The following CIMAP1B variants were observed in gnomAD, a reference collection of about 807,000 sequenced individuals.
CIMAP1B encodes ciliary microtubule associated protein 1B.
At chr22:50,530,928 C>G in the CIMAP1B span, 2 of 1,610,460 alleles carry the variant, frequency 1.2e-6, no homozygotes, top group South Asian at 1.1e-5. Flanking sequence ...GCCCCGGCCC[C>G]TCCCCCACCT....
chr22:50,531,352 C>T, the CIMAP1B span: 1 of 1,386,268 alleles, frequency 7.2e-7, no homozygotes, highest in Non-Finnish European at 1.0e-6. Context: ...CTGGTGGGTA[C>T]CCGAGATGGG....
At chr22:50,530,704 C>T in the CIMAP1B span, 1 of 1,611,664 alleles carries the variant, frequency 6.2e-7, no homozygotes, top group Non-Finnish European at 8.5e-7. Flanking sequence ...CCCTGGGCTC[C>T]AGGCCACCTG....
chr22:50,530,534 G>T, the CIMAP1B span: 1 of 1,599,732 alleles, frequency 6.3e-7, no homozygotes, highest in Non-Finnish European at 8.5e-7. Context: ...GCCGGATCCC[G>T]AAACTCCAGC....
chr22:50,531,579 G>T, the CIMAP1B span: 1 of 1,423,328 alleles, frequency 7.0e-7, no homozygotes, highest in East Asian at 2.7e-5. Flanking sequence ...CCAGGTCCCG[G>T]AGTGAGGAAG....
the CIMAP1B span, chr22:50,532,190 G>T: frequency 7.9e-7 from 1 of 1,265,876 alleles, no homozygotes; most frequent in Non-Finnish European, 1.0e-6. Flanking sequence ...CCTGGGATCA[G>T]CGCGGGGCGG....
At chr22:50,532,214 C>T in the CIMAP1B span, 1 of 1,165,406 alleles carries the variant, frequency 8.6e-7, no homozygotes, top group Non-Finnish European at 1.1e-6. Context: ...GGGGCCTGGA[C>T]CGTATCCCTG....
chr22:50,530,814 C>T, the CIMAP1B span: 5 of 1,604,740 alleles, frequency 3.1e-6, no homozygotes, highest in Non-Finnish European at 4.3e-6. Context: ...ACTTGTAGAC[C>T]CCTGGACTCA....
chr22:50,530,622 T>TGGACCCCC, the CIMAP1B span: 3 of 1,566,978 alleles, frequency 1.9e-6, no homozygotes, highest in Non-Finnish European at 2.6e-6. Context: ...CCGGGACCCC[T>TGGACCCCC]GGACCCCCGG....
At chr22:50,530,443 T>C in the CIMAP1B span, 171 of 1,559,176 alleles carry the variant, frequency 1.1e-4, no homozygotes, top group Middle Eastern at 1.3e-3. Context: ...TCGCAGACTT[T>C]AAGCAAACAC....
At chr22:50,531,557 C>T in the CIMAP1B span, 3 of 1,420,936 alleles carry the variant, frequency 2.1e-6, no homozygotes, top group African/African-American at 2.9e-5. Flanking sequence ...GCCAGGGGCC[C>T]GGGGGTCCTG....
At chr22:50,530,744 T>A in the CIMAP1B span, 4 of 1,610,524 alleles carry the variant, frequency 2.5e-6, no homozygotes, top group South Asian at 3.3e-5. Flanking sequence ...GGCCCTGGCT[T>A]CCGAGTGTTG....
At chr22:50,530,893 C>A in the CIMAP1B span, 1 of 1,608,208 alleles carries the variant, frequency 6.2e-7, no homozygotes, top group Middle Eastern at 1.7e-4. Flanking sequence ...CCTCCACTGC[C>A]GCGGACCAGG....
chr22:50,531,951 G>A, the CIMAP1B span: 1 of 1,316,064 alleles, frequency 7.6e-7, no homozygotes. Flanking sequence ...CCTCAATCCC[G>A]GGGCCTGCCC....
the CIMAP1B span, chr22:50,530,770 G>C: frequency 6.2e-7 from 1 of 1,609,112 alleles, no homozygotes; most frequent in South Asian, 1.1e-5. Context: ...GGGGAGCGAA[G>C]TCCGCGCCAG....
chr22:50,531,275 C>T, the CIMAP1B span: 1 of 1,609,740 alleles, frequency 6.2e-7, no homozygotes, highest in South Asian at 1.1e-5. Flanking sequence ...GCGTTCCCCG[C>T]TCGCTCCGGG....
chr22:50,531,673 G>A, the CIMAP1B span: 3 of 1,371,432 alleles, frequency 2.2e-6, no homozygotes, highest in Non-Finnish European at 2.8e-6. Flanking sequence ...CGGGCACCAG[G>A]TGGCCTGGCC....
At chr22:50,531,273 C>T in the CIMAP1B span, 6 of 1,609,660 alleles carry the variant, frequency 3.7e-6, no homozygotes, top group Non-Finnish European at 4.2e-6. Context: ...TCGCGTTCCC[C>T]GCTCGCTCCG....
chr22:50,531,980 G>T, the CIMAP1B span: 9 of 1,345,544 alleles, frequency 6.7e-6, no homozygotes, highest in Admixed American at 3.8e-5. Context: ...GGTGTTGGGC[G>T]GCAGCTTGTA....
chr22:50,531,745 C>T, the CIMAP1B span: 1 of 1,369,768 alleles, frequency 7.3e-7, no homozygotes, highest in Non-Finnish European at 9.4e-7. Flanking sequence ...CGGGGGCGCG[C>T]GGCCGCGACG....
Sources: gnomAD v4.1 joint callset for allele counts on GRCh38, gnomAD v4.1.1 for gene constraint, MANE v1.5 for transcripts, NCBI Gene and HGNC (gene_info 2026-07-23, HGNC 2026-07-21) for gene names.